Variants in SPHKAP observed in about 807,000 individuals in gnomAD.
The protein encoded by SPHKAP is A-kinase anchor protein SPHKAP.
A neutral mutation model predicts 137.5 loss-of-function variants in SPHKAP; 67 were observed. That is an observed-to-expected ratio of 0.49 (90% CI 0.40 to 0.60). SPHKAP has a LOEUF of 0.60. Ranked by LOEUF, SPHKAP falls within the 20% of genes least tolerant of loss-of-function variation. SPHKAP has a pLI of 0.00. For synonymous variants in SPHKAP, 813 were observed against 785.3 expected (o/e 1.04, Z -0.59); for missense variants, 2,097 against 2,069.3 (o/e 1.01, Z -0.26).
intron 9 of SPHKAP, among the ~76,000 whole-genome samples, chr2:227,992,600 C>T (rs1693455740): frequency 6.6e-6 from 1 of 151,866 alleles, no homozygotes. Flanking sequence ...TTTGGTTTCT[C>T]CTTAAAACAA....
intron 1 of SPHKAP, among the ~76,000 whole-genome samples, chr2:228,162,709 AT>A (rs1331477803): frequency 4.6e-5 from 7 of 151,892 alleles, no homozygotes; most frequent in Admixed American, 4.6e-4. Context: ...TTATTTATTT[AT>A]TTTTTTAGAC....
At chr2:227,986,366 C>T (rs1381895991) in intron 11 of SPHKAP, among the ~76,000 whole-genome samples, 1 of 152,080 alleles carries the variant, frequency 6.6e-6, no homozygotes, top group Admixed American at 6.6e-5. Flanking sequence ...GGGAGCTAAG[C>T]CATGAGAATG....
intron 9 of SPHKAP, chr2:227,991,804 T>G (rs931879631): frequency 1.6e-5 from 9 of 568,240 alleles, no homozygotes; most frequent in Non-Finnish European, 1.8e-5. Flanking sequence ...AAAAATAATT[T>G]TACATGTATA....
chr2:228,064,519 C>T (rs1696762861), intron 3 of SPHKAP, among the ~76,000 whole-genome samples: 2 of 152,060 alleles, frequency 1.3e-5, no homozygotes, highest in Admixed American at 1.3e-4. Context: ...CATTTCTGTT[C>T]AGTAAAAATA....
intron 1 of SPHKAP, among the ~76,000 whole-genome samples, chr2:228,170,915 G>A (rs977195411): frequency 3.9e-5 from 6 of 152,040 alleles, no homozygotes; most frequent in African/African-American, 1.4e-4. Context: ...TTAGAACTCA[G>A]AGTTAAGAAT....
Position 228,018,026 on chromosome 2 carries a change from T to C in SPHKAP, c.2828A>G (p.Glu943Gly). Reference protein sequence around the residue: ...LADTVVSMATEIAAICLDNSS... With the variant: ...LADTVVSMATGIAAICLDNSS... ...GTTGTCAAGGCAAATCGCTGCAATT[T>C]CAGTTGCCATGGAGACGACCGTGTC... Residue 943 changes from glutamate (E) to glycine (G), a missense_variant, in exon 7 of 12, where the codon GAA becomes GGA. Glu to Gly is a moderately conservative substitution (Grantham distance 98). Transcript: ENST00000392056. 2 of 1,614,156 alleles carry C rather than the reference T, an allele frequency of 1.2e-6. 1 individual carries two copies. Among genetic ancestry groups the C allele is most frequent in the Non-Finnish European group, 1.7e-6 (2 of 1,180,026 alleles).
At chr2:228,110,677 C>T (rs571394977) in intron 2 of SPHKAP, among the ~76,000 whole-genome samples, 132 of 152,232 alleles carry the variant, frequency 8.7e-4, no homozygotes, top group African/African-American at 2.7e-3. Context: ...GTGGAGTTTT[C>T]CAGAGGCTAC....
intron 3 of SPHKAP, among the ~76,000 whole-genome samples, chr2:228,037,493 C>T (rs1021127733): frequency 6.6e-6 from 1 of 152,156 alleles, no homozygotes. Flanking sequence ...AGTTACCACT[C>T]TTGATGGTAG....
At chr2:228,092,127 G>T (rs549759488) in intron 3 of SPHKAP, among the ~76,000 whole-genome samples, 4 of 112,462 alleles carry the variant, frequency 3.6e-5, no homozygotes, top group Non-Finnish European at 2.0e-5. Context: ...ATACATATAC[G>T]TATATGTGTG....
chr2:228,155,716 T>C (rs975110415), intron 1 of SPHKAP, among the ~76,000 whole-genome samples: 4 of 152,196 alleles, frequency 2.6e-5, no homozygotes, highest in African/African-American at 4.8e-5. Flanking sequence ...ACTATGGTGA[T>C]TATGTAAAGA....
chr2:228,043,177 T>C (rs1321738010), intron 3 of SPHKAP, among the ~76,000 whole-genome samples: 3 of 152,150 alleles, frequency 2.0e-5, no homozygotes, highest in Admixed American at 1.3e-4. Flanking sequence ...GAAAAAAATA[T>C]TGGATCAGAA....
intron 3 of SPHKAP, among the ~76,000 whole-genome samples, chr2:228,052,168 G>T (rs1290902780): frequency 6.6e-6 from 1 of 151,372 alleles, no homozygotes; most frequent in Admixed American, 6.6e-5. Context: ...AGTCAAGGGG[G>T]ATTTTCCAGA....
chr2:228,089,479 C>T (rs1697649372), intron 3 of SPHKAP, among the ~76,000 whole-genome samples: 1 of 152,176 alleles, frequency 6.6e-6, no homozygotes, highest in East Asian at 1.9e-4. Context: ...CAGACTGACC[C>T]AGTGGTACAG....
chr2:228,062,677 T>C (rs1481826675), intron 3 of SPHKAP, among the ~76,000 whole-genome samples: 1 of 152,086 alleles, frequency 6.6e-6, no homozygotes, highest in Non-Finnish European at 1.5e-5. Context: ...TTTGTGAAAG[T>C]AAGTCCTGGA....
chr2:228,103,735 C>T (rs1698247283), intron 3 of SPHKAP, among the ~76,000 whole-genome samples: 1 of 152,170 alleles, frequency 6.6e-6, no homozygotes, highest in Non-Finnish European at 1.5e-5. Context: ...TACTTTTCTA[C>T]AGACAGCATT....
intron 7 of SPHKAP, chr2:227,996,061 A>C: frequency 2.0e-6 from 2 of 983,710 alleles, no homozygotes; most frequent in Non-Finnish European, 2.4e-6. Flanking sequence ...TTCTGGAAGG[A>C]GGTCCACAAA....
At chr2:228,078,670 G>T (rs1697258835) in intron 3 of SPHKAP, among the ~76,000 whole-genome samples, 1 of 152,146 alleles carries the variant, frequency 6.6e-6, no homozygotes, top group African/African-American at 2.4e-5. Flanking sequence ...CCAGGTGAGA[G>T]ATTACAGCAT....
chr2:228,072,432 C>G (rs1697033131), intron 3 of SPHKAP, among the ~76,000 whole-genome samples: 1 of 152,074 alleles, frequency 6.6e-6, no homozygotes, highest in Non-Finnish European at 1.5e-5. Context: ...AGACCAGACA[C>G]ATTGAGAAGC....
chr2:228,004,448 C>T (rs781697864), intron 7 of SPHKAP, among the ~76,000 whole-genome samples: 6 of 151,150 alleles, frequency 4.0e-5, no homozygotes, highest in Non-Finnish European at 8.9e-5. Flanking sequence ...CGATTCTTCT[C>T]TGTTCTTTAT....
Sources: allele counts gnomAD v4.1 joint callset (sites outside exome capture counted in the v4.1 genomes callset), GRCh38; gene constraint gnomAD v4.1.1; transcripts MANE v1.5; gene names NCBI Gene and HGNC (gene_info 2026-07-23, HGNC 2026-07-21).